The following CPSF1 variants were observed in gnomAD, a reference collection of about 807,000 sequenced individuals.
CPSF1 encodes the protein cleavage and polyadenylation specific factor 1.
Under a neutral mutation model 175.8 loss-of-function variants are expected in CPSF1, and 106 were observed. That is an observed-to-expected ratio of 0.60 (90% CI 0.52 to 0.71). CPSF1 has a LOEUF of 0.71. Among genes scored for constraint, CPSF1 ranks in the 30% least tolerant of loss-of-function variants. The pLI is 0.00. For missense variants in CPSF1, 1,734 were observed against 2,022.9 expected (o/e 0.86, Z 2.74); for synonymous variants, 1,024 against 858.3 (o/e 1.19, Z -3.37).
Position 144,399,535 on chromosome 8 carries a change from C to T in CPSF1, c.1243-32G>A, listed in dbSNP as rs1586623679. On this transcript the variant is annotated intron_variant, in intron 12 of 37. Coordinates refer to ENST00000616140, the MANE Select transcript of CPSF1 (RefSeq NM_013291.3). This position sits in a 1 kb window ranked among gnomAD's most constrained non-coding sequence, Gnocchi z 6.4. ...GGCAGGAGGGGCACTGAGTGGCATG[C>T]CACAGCAGTGCCCACATGAAGGGTG... The T allele has an allele frequency of 3.7e-6, 6 of 1,611,810 alleles. No homozygotes were observed. The highest frequency in any genetic ancestry group is 1.3e-5 in the African/African-American group (1 of 74,914).
intron 26 of CPSF1, chr8:144,396,105 C>T (rs1172456968): frequency 9.0e-6 from 5 of 554,210 alleles, no homozygotes; most frequent in South Asian, 2.3e-5. Context: ...GCTTGCCCGG[C>T]GAGCCGGCAG....
rs1820895044 is a variant in CPSF1, at chr8:144,398,130, T to G, written c.1897A>C (p.Asn633His). 2 of 1,546,112 alleles carry G rather than the reference T, an allele frequency of 1.3e-6. No individual in the cohort carries two copies. Among genetic ancestry groups the G allele is most frequent in the Admixed American group, 1.8e-5 (1 of 54,544 alleles). ...TCCACGGGGATGAAGTGCAGCTGAT[T>G]CACTGTAGGCATGGGGCAGTCAGCA... ...PLGIRLLEGV[N>H]QLHFIPVDLG... The change falls in exon 20 of 38, where the codon AAT becomes CAT. Residue 633 changes from asparagine (N) to histidine (H), a missense_variant and splice_region_variant. Around this residue, in one of 10 missense-constraint regions of CPSF1, gnomAD observed 280 missense variants for 349.2 expected, o/e 0.80. Transcript: ENST00000616140.
At position 144,399,709 on chromosome 8, in the gene CPSF1, A is replaced by G; in HGVS notation, c.1121T>C (p.Met374Thr). Residue 374 changes from methionine to threonine, a missense_variant and splice_region_variant, in exon 12 of 38, where the codon ATG becomes ACG. Coordinates refer to ENST00000616140, the MANE Select transcript of CPSF1 (RefSeq NM_013291.3). The surrounding 1 kb of genome is among the most constrained non-coding windows in gnomAD (Gnocchi z 6.4). ...CAGGTACCCGGGCTCCATGGTGACC[A>G]TCTGAGGGAGGGCAGGTGTGTGATG... ...KAAASVLTTS[M>T]VTMEPGYLFL... is the part of the protein sequence containing the mutation. 6.2e-7 allele frequency: 1 copy of G among 1,608,898 alleles called. No individual in the cohort carries two copies. Among genetic ancestry groups the G allele is most frequent in the Non-Finnish European group, 8.5e-7 (1 of 1,177,744 alleles).
rs1820953099 is a variant in CPSF1, at chr8:144,398,633, GTCC to G, written c.1641_1643del (p.Glu547del). Reference sequence around the variant, plus strand: ...GCTCTGTGCCCTCCCCCTTGGGATTGTCCTCCTGTCAGGGCCAAAGGGGGGCAG... The same window carrying G: ...GCTCTGTGCCCTCCCCCTTGGGATTGTCCTGTCAGGGCCAAAGGGGGGCAG... On this transcript the variant is annotated inframe_deletion and splice_region_variant, in exon 18 of 38. Transcript: ENST00000616140. 4 of 1,613,798 alleles carry G rather than the reference GTCC, an allele frequency of 2.5e-6. No individual in the cohort carries two copies. Among genetic ancestry groups the G allele is most frequent in the Non-Finnish European group, 3.4e-6 (4 of 1,179,962 alleles).
rs1554864079 is a variant in CPSF1 at position 144,396,935 on chromosome 8, AG to A, written c.2593-7del. Reference sequence around the variant, plus strand: ...AGCTCTTGGTCCACATGCACCTGGCAGGATGAGGGGAGCCATGGGGGAACGG... The same window carrying A: ...AGCTCTTGGTCCACATGCACCTGGCAGATGAGGGGAGCCATGGGGGAACGG... On this transcript the variant is annotated splice_polypyrimidine_tract_variant and splice_region_variant and intron_variant, in intron 23 of 37. Coordinates refer to ENST00000616140, the MANE Select transcript of CPSF1 (RefSeq NM_013291.3). 1.2e-6 allele frequency: 2 copies of A among 1,606,896 alleles called. No homozygotes were observed. Among genetic ancestry groups the A allele is most frequent in the Non-Finnish European group, 1.7e-6 (2 of 1,174,496 alleles).
chr8:144,395,559 G>A lies in CPSF1; in HGVS notation c.2980-8C>T, dbSNP rs1195692647. ...ACTGATCCTCAGCTCGCCCTGGGGT[G>A]GGGGCACAGGGGTCAGGGGATCCAG... On this transcript the variant is annotated splice_polypyrimidine_tract_variant and splice_region_variant and intron_variant, in intron 26 of 37. Coordinates refer to ENST00000616140, the MANE Select transcript of CPSF1 (RefSeq NM_013291.3). 9 of 1,533,656 alleles carry A rather than the reference G, an allele frequency of 5.9e-6. No individual in the cohort carries two copies. The African/African-American group carries it at 6.8e-5, about 12-fold the overall frequency.
In CPSF1 at chr8:144,399,877, AGGG is replaced by A; in HGVS notation, c.1032-12_1032-10del. On this transcript the variant is annotated splice_polypyrimidine_tract_variant and intron_variant, in intron 10 of 37. Coordinates refer to ENST00000616140, the MANE Select transcript of CPSF1 (RefSeq NM_013291.3). The surrounding 1 kb of genome is among the most constrained non-coding windows in gnomAD (Gnocchi z 6.4). ...TGAGGGTCAGCACGTAGCTGGGGGC[AGGG>A]AGAATTCTGAGTCGGGGATGGGGAC... The A allele has an allele frequency of 1.3e-6, 2 of 1,525,016 alleles. No individual in the cohort carries two copies. The highest frequency in any genetic ancestry group is 1.8e-6 in the Non-Finnish European group (2 of 1,137,904). The allele number at this position is 1,525,016 out of a possible 1,614,324, so 94.5% of individuals were successfully genotyped here.
rs201707698 is a variant in CPSF1 at position 144,393,325 on chromosome 8, T to G, written c.4325A>C (p.His1442Pro). 2 of 1,485,790 alleles carry G rather than the reference T, an allele frequency of 1.3e-6. No individual in the cohort carries two copies. Among genetic ancestry groups the G allele is most frequent in the East Asian group, 2.5e-5 (1 of 39,430 alleles). The allele number at this position is 1,485,790 out of a possible 1,614,324, so 92.0% of individuals were successfully genotyped here. A position where few individuals can be genotyped will look rare whatever the true frequency, so the allele number is the denominator to read the frequency against. Residue 1442 changes from histidine (H) to proline (P), a missense_variant, in exon 38 of 38, where the codon CAC (histidine) becomes CCC (proline). Around this residue, in one of 10 missense-constraint regions of CPSF1, gnomAD observed 323 missense variants for 338.5 expected, o/e 0.95. Coordinates refer to ENST00000616140, the MANE Select transcript of CPSF1 (RefSeq NM_013291.3). Reference protein sequence around the residue: ...DLLETDRVTAHF With the variant: ...DLLETDRVTAPF ...GTGACGGCATCCACGGGGCTAGAAG[T>G]GGGCGGTGACGCGGTCCGTCTCCAG...
chr8:144,395,397 C>T (rs781986441), intron 27 of CPSF1, 38 bp downstream of exon 27: 1 of 1,612,800 alleles, frequency 6.2e-7, no homozygotes. Flanking sequence ...CCCGGCCAGG[C>T]CCAGAAGGTC....
chr8:144,394,593 G>A (rs782176835), intron 31 of CPSF1, 38 bp from the exon 32 acceptor site: 44 of 1,602,636 alleles, frequency 2.7e-5, no homozygotes, highest in Non-Finnish European at 3.7e-5. Flanking sequence ...CGCGGACGGG[G>A]AGCCGGGTGA....
At position 144,394,816 on chromosome 8, in the gene CPSF1, C is replaced by G. The variant is rs1200007675; in HGVS notation, c.3415-20G>C. On this transcript the variant is annotated intron_variant, in intron 30 of 37. Transcript: ENST00000616140. ...CAAGATCTGGAGGGCATGGGTATGGCTGTGGGATGGCTGTGGGGATGGCAG... is the reference window on the plus strand; with the variant it reads ...CAAGATCTGGAGGGCATGGGTATGGGTGTGGGATGGCTGTGGGGATGGCAG... The G allele has an allele frequency of 6.2e-7, 1 of 1,613,166 alleles. No homozygotes were observed. The highest frequency in any genetic ancestry group is 8.5e-7 in the Non-Finnish European group (1 of 1,179,810).
chr8:144,396,921 C>T lies in CPSF1; in HGVS notation c.2601G>A (p.Val867=). 6.2e-7 allele frequency: 1 copy of T among 1,612,422 alleles called. No homozygotes were observed. Residue 867 remains valine (V), a synonymous_variant, in exon 24 of 38, where the codon GTG becomes GTA. Coordinates refer to ENST00000616140, the MANE Select transcript of CPSF1 (RefSeq NM_013291.3). ...CCTCGTAGATAAGCAGCTCTTGGTC[C>T]ACATGCACCTGGCAGGATGAGGGGA... The part of the protein sequence containing the change: ...RQSRPYLLVH[V]DQELLIYEAF...
At chr8:144,407,190 T>C (rs1554869334) in intron 2 of CPSF1, among the ~76,000 whole-genome samples, 2 of 150,904 alleles carry the variant, frequency 1.3e-5, no homozygotes, top group African/African-American at 2.4e-5. Context: ...AGCGCTAAGA[T>C]GATAGGTGTG....
Position 144,397,765 on chromosome 8 carries a change from C to G in CPSF1, c.2188G>C (p.Glu730Gln). The change falls in exon 21 of 38, where the codon GAG becomes CAG. Residue 730 changes from glutamate to glutamine, a missense_variant. This residue lies in a region of CPSF1 where 585 missense variants were observed against 584.7 expected (regional missense o/e 1.00). Transcript: ENST00000616140. Reference sequence around the variant, plus strand: ...CACCTAGTCTCTGAGCCCAGGCCCTCGGCCTCCGGGCCACTGCGGCCCCCG... The same window carrying G: ...CACCTAGTCTCTGAGCCCAGGCCCTGGGCCTCCGGGCCACTGCGGCCCCCG... ...ELGGRSGPEA[E>Q]GLGSETSPTV... is the part of the protein sequence containing the mutation. 1 of 1,608,484 alleles carries G rather than the reference C, an allele frequency of 6.2e-7. No homozygotes were observed.
In CPSF1 at chr8:144,399,339, G is replaced by A. The variant is rs2116861582; in HGVS notation, c.1329C>T (p.Asp443=). The A allele has an allele frequency of 1.1e-5, 17 of 1,612,402 alleles. No individual in the cohort carries two copies. The highest frequency in any genetic ancestry group is 1.3e-5 in the African/African-American group (1 of 74,894). ...AGKSVPQDEV[D]EIEVYGSEAQ... is the part of the protein sequence containing the mutation. ...CCTCGCTGCCGTACACTTCAATCTC[G>A]TCCACCTCATCCTGCGGCACCGACT... The change falls in exon 14 of 38, where the codon GAC becomes GAT. Residue 443 remains aspartate (D), a synonymous_variant. Transcript: ENST00000616140. The surrounding 1 kb of genome is among the most constrained non-coding windows in gnomAD (Gnocchi z 6.4).
Position 144,401,496 on chromosome 8 carries a change from G to A in CPSF1, c.240C>T (p.Ser80=), listed in dbSNP as rs143473018. 1,021 of 1,614,034 alleles carry A rather than the reference G, an allele frequency of 6.3e-4. 5 individuals are homozygous for A. The African/African-American group carries it at 0.01, about 16-fold the overall frequency. Residue 80 remains serine (S), a synonymous_variant, in exon 4 of 38, where the codon TCC becomes TCT. Transcript: ENST00000616140. ...CTCCTGCCAGCTGCACGCTGGCCATGGACATGACGTTGCCAAAGAAGGAGA... is the reference window on the plus strand; with the variant it reads ...CTCCTGCCAGCTGCACGCTGGCCATAGACATGACGTTGCCAAAGAAGGAGA... ...ASFSFFGNVM[S]MASVQLAGAK...
chr8:144,398,554 G>A lies in CPSF1; in HGVS notation c.1723C>T (p.Leu575=). 1 of 1,613,932 alleles carries A rather than the reference G, an allele frequency of 6.2e-7. No homozygotes were observed. Reference sequence around the variant, plus strand: ...GTGGAGTCTTCCCGGCTCAGAATCAGGAATCCGTGTCTGCGGCCGTCGTCG... The same window carrying A: ...GTGGAGTCTTCCCGGCTCAGAATCAAGAATCCGTGTCTGCGGCCGTCGTCG... The part of the protein sequence containing the change: ...ADDDGRRHGF[L]ILSREDSTMI... Residue 575 remains leucine (L), a synonymous_variant, in exon 18 of 38, where the codon CTG becomes TTG. Coordinates refer to ENST00000616140, the MANE Select transcript of CPSF1 (RefSeq NM_013291.3).
Position 144,400,351 on chromosome 8 carries a change from C to A in CPSF1, c.826+3G>T, listed in dbSNP as rs1554866231. On this transcript the variant is annotated splice_donor_region_variant and intron_variant, in intron 8 of 37. Transcript: ENST00000616140. ...CTCCCCTATCCACTCCCAGGACACA[C>A]ACCTATGGGCTTGGGCACAGCCAGA... 3.7e-6 allele frequency: 6 copies of A among 1,613,792 alleles called. No individual in the cohort carries two copies.
rs1473467342 is a variant in CPSF1, at chr8:144,398,718, G to A, written c.1638+61C>T. 9.4e-6 allele frequency: 15 copies of A among 1,595,668 alleles called. No individual in the cohort carries two copies. In the East Asian group the frequency reaches 2.9e-4, roughly 31 times the overall value. On this transcript the variant is annotated intron_variant, in intron 17 of 37. Coordinates refer to ENST00000616140, the MANE Select transcript of CPSF1 (RefSeq NM_013291.3). ...CGCAGGTGCGACCTGGGCACCCCCG[G>A]CCTATGAGAAGGCAGCGCCGGTCCC...
Sources: allele counts gnomAD v4.1 joint callset (sites outside exome capture counted in the v4.1 genomes callset), GRCh38; gene constraint gnomAD v4.1.1; regional missense constraint gnomAD v4.1.1; non-coding constraint Gnocchi (gnomAD v3.1); transcripts MANE v1.5; gene names NCBI Gene and HGNC (gene_info 2026-07-23, HGNC 2026-07-21).